The following SPTBN1 variants were observed in gnomAD, a reference collection of about 807,000 sequenced individuals.
SPTBN1 encodes spectrin beta, non-erythrocytic 1.
A neutral mutation model predicts 266.4 loss-of-function variants in SPTBN1; 32 were observed. The observed-to-expected ratio is 0.12, with a 90% CI of 0.09 to 0.16. The LOEUF is 0.16. Ranked by LOEUF, SPTBN1 falls within the 10% of genes least tolerant of loss-of-function variation. The pLI is 1.00. For missense variants in SPTBN1, 2,296 were observed against 3,067.1 expected, an observed-to-expected ratio of 0.75 and a Z score of 5.94; for synonymous variants, 1,336 against 1,162.2, an observed-to-expected ratio of 1.15 and a Z score of -3.04.
intron 31 of SPTBN1, 60 bp from the exon 32 acceptor site, chr2:54,659,876 C>G: frequency 6.4e-7 from 1 of 1,574,372 alleles, no homozygotes; most frequent in South Asian, 1.2e-5. Context: ...CCCTTTCTTA[C>G]TGTTTCCTCT....
rs141532384 is a variant in SPTBN1, at chr2:54,629,580, G to C, written c.2446G>C (p.Glu816Gln). Residue 816 changes from glutamate (E) to glutamine (Q), a missense_variant, in exon 14 of 36, where the codon GAG becomes CAG. This residue lies in a region of SPTBN1 where 434 missense variants were observed against 573.9 expected (regional missense o/e 0.76). Transcript: ENST00000356805. ...CAGCGCCCTCCCCCAGGAGCATGCCGAGTCTCCAGACGTGAGGGGCAGGCT... is the reference window on the plus strand; with the variant it reads ...CAGCGCCCTCCCCCAGGAGCATGCCCAGTCTCCAGACGTGAGGGGCAGGCT... ...QASALPQEHA[E>Q]SPDVRGRLSG... 6.2e-7 allele frequency: 1 copy of C among 1,614,060 alleles called. No homozygotes were observed. Among genetic ancestry groups the C allele is most frequent in the East Asian group, 2.2e-5 (1 of 44,888 alleles).
At chr2:54,487,907 G>T (rs1668494069) in intron 1 of SPTBN1, among the ~76,000 whole-genome samples, 1 of 130,606 alleles carries the variant, frequency 7.7e-6, no homozygotes, top group South Asian at 2.4e-4. Flanking sequence ...TCAGCTCACT[G>T]CAAGCTCCGC....
intron 2 of SPTBN1, among the ~76,000 whole-genome samples, chr2:54,592,711 C>A (rs147637304): frequency 3.8e-4 from 58 of 152,290 alleles, no homozygotes; most frequent in African/African-American, 1.3e-3. Context: ...TTTTCTAATA[C>A]ATCTTCTAAG....
At chr2:54,563,627 G>A (rs1403022353) in intron 2 of SPTBN1, among the ~76,000 whole-genome samples, 3 of 134,010 alleles carry the variant, frequency 2.2e-5, no homozygotes, top group Non-Finnish European at 4.7e-5. Context: ...TTTTTGAGAC[G>A]GGGTCTCACC....
chr2:54,650,143 G>T (rs1255003415), intron 26 of SPTBN1, among the ~76,000 whole-genome samples, 154 bp downstream of exon 26: 1 of 152,160 alleles, frequency 6.6e-6, no homozygotes, highest in Admixed American at 6.5e-5. Flanking sequence ...TGCTCCATTT[G>T]GGAGAACTTA....
At chr2:54,487,054 A>G (rs903200903) in intron 1 of SPTBN1, among the ~76,000 whole-genome samples, 3 of 152,150 alleles carry the variant, frequency 2.0e-5, no homozygotes, top group African/African-American at 7.2e-5. Flanking sequence ...TAGTTCTTAC[A>G]TAACCATCAA....
chr2:54,617,950 T>C (rs935648720), intron 6 of SPTBN1, 128 bp from the exon 7 acceptor site: 59 of 739,514 alleles, frequency 8.0e-5, no homozygotes, highest in Admixed American at 2.8e-5. Context: ...GATTCCATGA[T>C]AGTATATTTT....
intron 1 of SPTBN1, among the ~76,000 whole-genome samples, chr2:54,504,406 A>G (rs1165761496): frequency 6.6e-6 from 1 of 152,240 alleles, no homozygotes; most frequent in Non-Finnish European, 1.5e-5. Context: ...CCTAAGCAGT[A>G]CAGCTGGCCC....
intron 2 of SPTBN1, among the ~76,000 whole-genome samples, chr2:54,576,838 C>G (rs1674518043): frequency 6.6e-6 from 1 of 152,208 alleles, no homozygotes; most frequent in Non-Finnish European, 1.5e-5. Flanking sequence ...AAAGGGAATA[C>G]TAGGTAAGTG....
chr2:54,541,969 A>G (rs565696818), intron 2 of SPTBN1, among the ~76,000 whole-genome samples: 2 of 152,296 alleles, frequency 1.3e-5, no homozygotes, highest in East Asian at 3.9e-4. Flanking sequence ...TTGATCTATT[A>G]ATTCAATTTT....
At chr2:54,661,709 A>T (rs951322193) in intron 32 of SPTBN1, 117 of 985,604 alleles carry the variant, frequency 1.2e-4, no homozygotes, top group Non-Finnish European at 1.4e-4. Flanking sequence ...TGTTTCATTG[A>T]TCTATATGTA....
chr2:54,489,985 C>T (rs966395551), intron 1 of SPTBN1, among the ~76,000 whole-genome samples: 3 of 152,068 alleles, frequency 2.0e-5, no homozygotes, highest in South Asian at 2.1e-4. Flanking sequence ...GAGAGAACCT[C>T]GGCATTAACC....
chr2:54,668,678 TGA>T lies in SPTBN1; in HGVS notation c.*110_*111del. 4.8e-6 allele frequency: 5 copies of T among 1,046,402 alleles called. No individual in the cohort carries two copies. Among genetic ancestry groups the T allele is most frequent in the South Asian group, 1.7e-5 (1 of 58,496 alleles). 64.8% of individuals were successfully genotyped at this position (1,046,402 alleles called of 1,614,324 possible). On this transcript the variant is annotated 3_prime_UTR_variant, in exon 36 of 36. Coordinates refer to ENST00000356805, the MANE Select transcript of SPTBN1 (RefSeq NM_003128.3). ...TGTGCCTAATGTTCCTCAATGTGGT[TGA>T]TTTTTTTTTTTTTTTAATTTATAGA...
In SPTBN1 at chr2:54,642,972, T is replaced by A. The variant is rs1679676804; in HGVS notation, c.3859-11T>A. 3 of 1,609,618 alleles carry A rather than the reference T, an allele frequency of 1.9e-6. No homozygotes were observed. The highest frequency in any genetic ancestry group is 2.5e-6 in the Non-Finnish European group (3 of 1,177,762). Reference sequence around the variant, plus strand: ...GATCACAATCTCTGAATCCTTCTGATCTTTCTGTAGCTGTCTCTCTGGATC... The same window carrying A: ...GATCACAATCTCTGAATCCTTCTGAACTTTCTGTAGCTGTCTCTCTGGATC... On this transcript the variant is annotated splice_polypyrimidine_tract_variant and intron_variant, in intron 18 of 35. Transcript: ENST00000356805.
intron 3 of SPTBN1, 79 bp from the exon 4 acceptor site, chr2:54,612,082 C>CAT: frequency 7.3e-7 from 1 of 1,376,660 alleles, no homozygotes; most frequent in South Asian, 1.4e-5. Context: ...TGAATGGGCA[C>CAT]ATGTGACTAG....
intron 1 of SPTBN1, among the ~76,000 whole-genome samples, chr2:54,518,313 G>T (rs1294522314): frequency 6.6e-6 from 1 of 151,954 alleles, no homozygotes; most frequent in Admixed American, 6.6e-5. Flanking sequence ...ATGGGGTGGG[G>T]AGATGGGGGA....
intron 2 of SPTBN1, among the ~76,000 whole-genome samples, chr2:54,564,113 A>G (rs1673509423): frequency 6.6e-6 from 1 of 152,204 alleles, no homozygotes; most frequent in African/African-American, 2.4e-5. Context: ...AGATTTCTGG[A>G]CATGGGCTGC....
chr2:54,517,998 T>C (rs1670211176), intron 1 of SPTBN1, among the ~76,000 whole-genome samples: 1 of 151,724 alleles, frequency 6.6e-6, no homozygotes, highest in South Asian at 2.1e-4. Context: ...TGCAGTACAC[T>C]GGATTGTTTT....
chr2:54,668,637 C>G lies in SPTBN1; in HGVS notation c.*68C>G. 6.9e-7 allele frequency: 1 copy of G among 1,440,706 alleles called. No homozygotes were observed. Among genetic ancestry groups the G allele is most frequent in the Non-Finnish European group, 9.5e-7 (1 of 1,048,998 alleles). 89.2% of individuals were successfully genotyped at this position (1,440,706 alleles called of 1,614,324 possible). On this transcript the variant is annotated 3_prime_UTR_variant, in exon 36 of 36. Coordinates refer to ENST00000356805, the MANE Select transcript of SPTBN1 (RefSeq NM_003128.3). The stretch of plus-strand genomic sequence containing the variant: ...GAAATTCCAGCATGCAAGCTCAGAA[C>G]CAACACATTACTCTCTGTGCCTAAT...
Sources: allele counts gnomAD v4.1 joint callset (sites outside exome capture counted in the v4.1 genomes callset), GRCh38; gene constraint gnomAD v4.1.1; regional missense constraint gnomAD v4.1.1; transcripts MANE v1.5; gene names NCBI Gene and HGNC (gene_info 2026-07-23, HGNC 2026-07-21).